The following NIBAN2 variants were observed in gnomAD, a reference collection of about 807,000 sequenced individuals.
NIBAN2 encodes protein Niban 2.
Under a neutral mutation model 81.8 loss-of-function variants are expected in NIBAN2, and 36 were observed. That is an observed-to-expected ratio of 0.44 (90% CI 0.34 to 0.58). NIBAN2 has a LOEUF of 0.58. Among genes scored for constraint, NIBAN2 ranks in the 20% least tolerant of loss-of-function variants. NIBAN2 has a pLI of 0.02. For synonymous variants in NIBAN2, 445 were observed against 441.6 expected (o/e 1.01, Z -0.10); for missense variants, 897 against 1,014.1 (o/e 0.88, Z 1.57).
At chr9:127,542,192 C>T (rs1291523717) in intron 1 of NIBAN2, among the ~76,000 whole-genome samples, 1 of 152,170 alleles carries the variant, frequency 6.6e-6, no homozygotes, top group Non-Finnish European at 1.5e-5. Flanking sequence ...GCCCGCAGGC[C>T]CAAGTCATCT....
At chr9:127,554,652 C>T (rs1055254722) in intron 1 of NIBAN2, among the ~76,000 whole-genome samples, 11 of 149,554 alleles carry the variant, frequency 7.4e-5, no homozygotes, top group Admixed American at 5.4e-4. Context: ...TCTCAGCCTC[C>T]CAAGTTAAAG....
Position 127,506,650 on chromosome 9 carries a change from G to T in NIBAN2, c.*195C>A, listed in dbSNP as rs1836600392. The T allele has an allele frequency of 2.1e-6, 1 of 465,786 alleles. No individual in the cohort carries two copies. 28.9% of individuals were successfully genotyped at this position (465,786 alleles called of 1,614,324 possible). A position where few individuals can be genotyped will look rare whatever the true frequency, so the allele number is the denominator to read the frequency against. ...GCATCTGAGATCATCCCACAGAAGA[G>T]AAAACAGGGAGCAAGAAAGTGTTGA... On this transcript the variant is annotated 3_prime_UTR_variant, in exon 14 of 14. Coordinates refer to ENST00000373312, the MANE Select transcript of NIBAN2 (RefSeq NM_022833.4).
At chr9:127,530,873 C>T (rs1168625428) in intron 2 of NIBAN2, among the ~76,000 whole-genome samples, 1 of 152,030 alleles carries the variant, frequency 6.6e-6, no homozygotes, top group Non-Finnish European at 1.5e-5. Context: ...CCTGGGTTAC[C>T]CACCTATTCA....
chr9:127,510,497 C>T (rs1222315892), intron 8 of NIBAN2, among the ~76,000 whole-genome samples, 164 bp from the exon 9 acceptor site: 7 of 151,916 alleles, frequency 4.6e-5, no homozygotes, highest in Admixed American at 2.0e-4. Context: ...AGTGCAGTGG[C>T]GCGATCTCAG....
chr9:127,528,012 C>T (rs981315376), intron 2 of NIBAN2, among the ~76,000 whole-genome samples: 1 of 152,216 alleles, frequency 6.6e-6, no homozygotes, highest in African/African-American at 2.4e-5. Flanking sequence ...CTACAAAGCC[C>T]TAGCTCTGCC....
chr9:127,556,358 C>G (rs890931309), intron 1 of NIBAN2, among the ~76,000 whole-genome samples: 2 of 152,134 alleles, frequency 1.3e-5, no homozygotes, highest in South Asian at 4.1e-4. Flanking sequence ...TGTAACCAAC[C>G]CCCACCAACC....
At chr9:127,578,941 C>T in exon 1 of NIBAN2, 1 of 1,610,330 alleles carries the variant, frequency 6.2e-7, no homozygotes, top group African/African-American at 1.3e-5. Context: ...ACCCCATCCT[C>T]CAGAGTGAGA....
chr9:127,521,752 A>T (rs922813197), intron 5 of NIBAN2, among the ~76,000 whole-genome samples: 14 of 152,118 alleles, frequency 9.2e-5, no homozygotes, highest in African/African-American at 3.4e-4. Flanking sequence ...ACACCCCTTC[A>T]TTCCCTGGCC....
intron 1 of NIBAN2, among the ~76,000 whole-genome samples, chr9:127,577,051 T>C (rs1333898468): frequency 2.6e-5 from 4 of 151,886 alleles, no homozygotes; most frequent in African/African-American, 9.7e-5. Flanking sequence ...CCAGGTGCAG[T>C]GGCTCACGCA....
Position 127,554,848 on chromosome 9 carries a change from C to T in NIBAN2, c.55+13972G>A, listed in dbSNP as rs534490196. Among the ~76,000 whole-genome samples, 17 of 152,080 alleles carry T rather than the reference C, an allele frequency of 1.1e-4. 1 individual carries two copies. Among genetic ancestry groups the T allele is most frequent in the South Asian group, 4.1e-4 (2 of 4,824 alleles). On this transcript the variant is annotated intron_variant, in intron 1 of 13. Coordinates refer to ENST00000373312, the MANE Select transcript of NIBAN2 (RefSeq NM_022833.4). ...CCTCCCAAAGTGCTGGGATTACAGG[C>T]GTGAGCCACCAAAATGCTGGGATTA...
At chr9:127,569,921 A>C (rs1837927276), upstream of NIBAN2, among the ~76,000 whole-genome samples, 1 of 152,180 alleles carries the variant, frequency 6.6e-6, no homozygotes. Flanking sequence ...ACCGACAGGC[A>C]CCAGCCTATG....
At chr9:127,578,624 C>T (rs116106779) in intron 1 of NIBAN2, among the ~76,000 whole-genome samples, 2,141 of 150,794 alleles carry the variant, frequency 0.014, 55 homozygotes, top group African/African-American at 0.048. Context: ...GGCGAGATCT[C>T]GCCATTGCAG....
In NIBAN2 at chr9:127,508,117, C is replaced by CCT; in HGVS notation, c.1517_1518insAG (p.Lys507GlyfsTer17). 6.2e-7 allele frequency: 1 copy of CCT among 1,613,716 alleles called. No individual in the cohort carries two copies. Among genetic ancestry groups the CCT allele is most frequent in the Non-Finnish European group, 8.5e-7 (1 of 1,180,026 alleles). On this transcript the variant is annotated frameshift_variant, in exon 12 of 14. Transcript: ENST00000373312. LOFTEE classifies it high-confidence loss of function. This position sits in a 1 kb window ranked among gnomAD's most constrained non-coding sequence, Gnocchi z 6.4. Reference sequence around the variant, plus strand: ...CCGACTTGCAGGTAGGGGCCAGCTTCTTGAGCAGGAACGGGATGCTGATCT... The same window carrying CCT: ...CCGACTTGCAGGTAGGGGCCAGCTTCCTTTGAGCAGGAACGGGATGCTGATCT...
intron 8 of NIBAN2, among the ~76,000 whole-genome samples, chr9:127,514,975 G>C (rs1444407810): frequency 1.3e-5 from 2 of 151,982 alleles, no homozygotes; most frequent in African/African-American, 2.4e-5. Context: ...ACCAGCCTGG[G>C]CAACACAGTA....
Position 127,525,071 on chromosome 9 carries a change from G to T in NIBAN2, c.408C>A (p.Gly136=). The T allele has an allele frequency of 6.2e-7, 1 of 1,613,444 alleles. No individual in the cohort carries two copies. Among genetic ancestry groups the T allele is most frequent in the Non-Finnish European group, 8.5e-7 (1 of 1,179,336 alleles). Residue 136 remains glycine (G), a synonymous_variant, in exon 4 of 14, where the codon GGC becomes GGA. Coordinates refer to ENST00000373312, the MANE Select transcript of NIBAN2 (RefSeq NM_022833.4). ...TSVDQYLELI[G]NSLPGTTAKS... ...GTGCTCCTTTACCTGGTAAGGAGTT[G>T]CCAATGAGCTCCAGGTATTGGTCCA...
intron 1 of NIBAN2, among the ~76,000 whole-genome samples, chr9:127,538,666 C>T (rs755378670): frequency 1.1e-4 from 17 of 150,002 alleles, no homozygotes; most frequent in African/African-American, 2.2e-4. Flanking sequence ...GTTGTGCGGC[C>T]GGGCACAGTG....
intron 2 of NIBAN2, 95 bp from the exon 3 acceptor site, chr9:127,527,417 A>C (rs1588163930): frequency 8.2e-7 from 1 of 1,224,056 alleles, no homozygotes; most frequent in Admixed American, 1.9e-5. Flanking sequence ...CTGTGTGCGC[A>C]CCCCCTGCCT....
Position 127,527,207 on chromosome 9 carries a change from T to C in NIBAN2, c.302A>G (p.Tyr101Cys), listed in dbSNP as rs201758465. 1.2e-6 allele frequency: 2 copies of C among 1,613,516 alleles called. No homozygotes were observed. The highest frequency in any genetic ancestry group is 3.3e-5 in the Admixed American group (2 of 60,014). The change falls in exon 3 of 14, where the codon TAC (tyrosine) becomes TGC (cysteine). Residue 101 changes from tyrosine to cysteine, a missense_variant. Tyr to Cys is a radical substitution (Grantham distance 194, BLOSUM62 -2). Around this residue, in one of 3 missense-constraint regions of NIBAN2, gnomAD observed 209 missense variants for 208.4 expected, o/e 1.00. Transcript: ENST00000373312. ...LVPHNYGLVL[Y>C]ENKAAYERQV... Reference sequence around the variant, plus strand: ...GCCAGGCCTCACCGCTTTGTTTTCGTAGAGCACCAGCCCGTAGTTGTGGGG... The same window carrying C: ...GCCAGGCCTCACCGCTTTGTTTTCGCAGAGCACCAGCCCGTAGTTGTGGGG...
intron 1 of NIBAN2, among the ~76,000 whole-genome samples, chr9:127,537,014 G>A (rs1311243410): frequency 2.0e-5 from 3 of 152,186 alleles, no homozygotes; most frequent in African/African-American, 7.2e-5. Context: ...TGCCAGCTTC[G>A]TCACTTTCCA....
Sources: allele counts gnomAD v4.1 joint callset (sites outside exome capture counted in the v4.1 genomes callset), GRCh38; gene constraint gnomAD v4.1.1; regional missense constraint gnomAD v4.1.1; non-coding constraint Gnocchi (gnomAD v3.1); transcripts MANE v1.5; gene names NCBI Gene and HGNC (gene_info 2026-07-23, HGNC 2026-07-21).